KLHL26: variants seen among roughly 807,000 people sequenced by gnomAD.
KLHL26 encodes kelch-like protein 26.
In KLHL26, 4 loss-of-function variants were observed where a neutral mutation model predicts 7.1. That is an observed-to-expected ratio of 0.56 (90% CI 0.28 to 1.28). The LOEUF (loss-of-function observed/expected upper bound fraction) is 1.28, where lower values mean the gene tolerates loss of function less well. Ranked by LOEUF, KLHL26 falls within the 50% of genes most tolerant of loss-of-function variation. The pLI is 0.11. For synonymous variants in KLHL26, 465 were observed against 414.1 expected (o/e 1.12, Z -1.49); for missense variants, 896 against 924.6 (o/e 0.97, Z 0.40).
chr19:18,642,720 C>T (rs749337432), intron 1 of KLHL26, among the ~76,000 whole-genome samples: 18 of 151,884 alleles, frequency 1.2e-4, no homozygotes, highest in Non-Finnish European at 2.4e-4. Context: ...ACTCTGTCGC[C>T]CATGCTGGCA....
In KLHL26 at chr19:18,637,154, A is replaced by C; in HGVS notation, c.83+17A>C. On this transcript the variant is annotated intron_variant, in intron 1 of 2. Transcript: ENST00000300976. ...CCCGAACAGGTGAGACCCGGCCCGC[A>C]GGATAGACCTGCACCTGTCTTGGAG... 1 of 1,318,860 alleles carries C rather than the reference A, an allele frequency of 7.6e-7. No homozygotes were observed. The highest frequency in any genetic ancestry group is 9.7e-7 in the Non-Finnish European group (1 of 1,034,862). The allele number at this position is 1,318,860 out of a possible 1,614,324, so 81.7% of individuals were successfully genotyped here.
At position 18,648,528 on chromosome 19, in the gene KLHL26, T is replaced by C. The variant is rs1235732181; in HGVS notation, c.83+11391T>C. Among the ~76,000 whole-genome samples, 1 of 152,188 alleles carries C rather than the reference T, an allele frequency of 6.6e-6. No homozygotes were observed. The highest frequency in any genetic ancestry group is 1.5e-5 in the Non-Finnish European group (1 of 68,024). On this transcript the variant is annotated intron_variant, in intron 1 of 2. Coordinates refer to ENST00000300976, the MANE Select transcript of KLHL26 (RefSeq NM_018316.3). The surrounding 1 kb of genome is among the most constrained non-coding windows in gnomAD (Gnocchi z 4.9). ...GGCAGGCTGAAGGTCAGGGTTGTCC[T>C]TGGTCCCGCGCGGCTGCACTGCCTG...
chr19:18,667,323 CTG>C (rs1442201001), intron 2 of KLHL26: 1 of 380,324 alleles, frequency 2.6e-6, no homozygotes, highest in Admixed American at 3.9e-5. Flanking sequence ...GCGTGAGCCA[CTG>C]TGCCTGGCCT....
chr19:18,642,623 C>T (rs1568454177), intron 1 of KLHL26, among the ~76,000 whole-genome samples: 1 of 152,018 alleles, frequency 6.6e-6, no homozygotes, highest in Non-Finnish European at 1.5e-5. Context: ...CTGGGCCTCC[C>T]AAAGTGCTGG....
chr19:18,669,091 G>T lies in KLHL26; in HGVS notation c.1694G>T (p.Gly565Val). 6.2e-7 allele frequency: 1 copy of T among 1,612,926 alleles called. No homozygotes were observed. Among genetic ancestry groups the T allele is most frequent in the Non-Finnish European group, 8.5e-7 (1 of 1,179,966 alleles). ...CTGGAGAGGAAGATCTACATCGTCG[G>T]GGGCTACAACTGGCGTCTCAACAAC... ...CLLERKIYIVGGYNWRLNNVT... is the reference protein window; with the variant it reads ...CLLERKIYIVVGYNWRLNNVT... The change falls in exon 3 of 3, where the codon GGG (glycine) becomes GTG (valine). Residue 565 changes from glycine to valine, a missense_variant. By Grantham distance (109) the Gly-to-Val change is moderately radical (BLOSUM62 -3). Transcript: ENST00000300976.
rs1191637476 is a variant in KLHL26 at position 18,650,116 on chromosome 19, C to G, written c.83+12979C>G. ...TGTAAAGGCCTGGAGGGGGGTCACC[C>G]GAGGATCGAGGCCGAAGATGTTTAC... is the stretch of plus-strand genomic sequence containing the variant. On this transcript the variant is annotated intron_variant, in intron 1 of 2. Coordinates refer to ENST00000300976, the MANE Select transcript of KLHL26 (RefSeq NM_018316.3). This position sits in a 1 kb window ranked among gnomAD's most constrained non-coding sequence, Gnocchi z 4.2. 2.0e-5 allele frequency among the ~76,000 whole-genome samples: 3 copies of G among 152,042 alleles called. No homozygotes were observed. Among genetic ancestry groups the G allele is most frequent in the Non-Finnish European group, 2.9e-5 (2 of 68,002 alleles).
rs778679334 is a variant in KLHL26 at position 18,664,327 on chromosome 19, G to C, written c.150G>C (p.Leu50=). The stretch of plus-strand genomic sequence containing the variant: ...CACCCAGCCACAGCACCAGCCTCCT[G>C]CAGGGCCTGGCCACCCTCCGCGCTC... ...FSAPSHSTSL[L]QGLATLRAQG... The change falls in exon 2 of 3, where the codon CTG becomes CTC. Residue 50 remains leucine, a synonymous_variant. Transcript: ENST00000300976. 2 of 1,609,526 alleles carry C rather than the reference G, an allele frequency of 1.2e-6. No individual in the cohort carries two copies. The highest frequency in any genetic ancestry group is 2.7e-5 in the African/African-American group (2 of 75,050).
At chr19:18,667,579 T>TACTGTTCCCCAGGCC (rs2052462227) in intron 2 of KLHL26, 85 bp from the exon 3 acceptor site, 2 of 1,532,686 alleles carry the variant, frequency 1.3e-6, no homozygotes, top group Non-Finnish European at 1.8e-6. Context: ...GTCCCCAGGC[T>TACTGTTCCCCAGGCC]ACTGTTCCCC....
rs1301794630 is a variant in KLHL26 at position 18,668,214 on chromosome 19, G to C, written c.817G>C (p.Glu273Gln). The stretch of plus-strand genomic sequence containing the variant: ...CGTGCAGACGCTGGACATCATGGTG[G>C]AGGACGTGCTGTGCCGCCAGTATCT... ...DSVQTLDIMV[E>Q]DVLCRQYLLE... Residue 273 changes from glutamate to glutamine, a missense_variant, in exon 3 of 3, where the codon GAG becomes CAG. By Grantham distance (29) the Glu-to-Gln change is conservative (BLOSUM62 2). Transcript: ENST00000300976. The C allele has an allele frequency of 1.2e-6, 2 of 1,611,898 alleles. No homozygotes were observed. Among genetic ancestry groups the C allele is most frequent in the Admixed American group, 1.7e-5 (1 of 60,028 alleles).
chr19:18,642,383 T>TGTGTGTGTGTGTGTG (rs1320607738), intron 1 of KLHL26, among the ~76,000 whole-genome samples: 2 of 61,572 alleles, frequency 3.2e-5, no homozygotes, highest in Non-Finnish European at 6.6e-5. Flanking sequence ...GTGTGTGTGT[T>TGTGTGTGTGTGTGTG]TGAGATGGAG....
Position 18,669,516 on chromosome 19 carries a change from C to G in KLHL26, c.*271C>G, listed in dbSNP as rs1279524009. On this transcript the variant is annotated 3_prime_UTR_variant, in exon 3 of 3. Transcript: ENST00000300976. ...TCCCCGGGGTGGTTTCCTCGCCTGG[C>G]CCCCGAGTCCCCACGGGCTGGCGGG... 4 of 565,016 alleles carry G rather than the reference C, an allele frequency of 7.1e-6. No homozygotes were observed. Among genetic ancestry groups the G allele is most frequent in the Non-Finnish European group, 1.2e-5 (4 of 320,714 alleles). 35.0% of individuals were successfully genotyped at this position (565,016 alleles called of 1,614,324 possible).
intron 1 of KLHL26, among the ~76,000 whole-genome samples, chr19:18,641,632 C>CTT (rs11365552): frequency 7.7e-6 from 1 of 129,956 alleles, no homozygotes; most frequent in Non-Finnish European, 1.6e-5. Flanking sequence ...TTTCTTTTTT[C>CTT]TTTTTTTTTT....
chr19:18,648,788 C>T lies in KLHL26; in HGVS notation c.83+11651C>T, dbSNP rs1976849309. On this transcript the variant is annotated intron_variant, in intron 1 of 2. Coordinates refer to ENST00000300976, the MANE Select transcript of KLHL26 (RefSeq NM_018316.3). This position sits in a 1 kb window ranked among gnomAD's most constrained non-coding sequence, Gnocchi z 4.9. ...TGCCCAGGAGGTCCTCAGGTAGCAT[C>T]TCTTGTGGGTTCCACCTTCGAGCCA... Among the ~76,000 whole-genome samples, 1 of 152,166 alleles carries T rather than the reference C, an allele frequency of 6.6e-6. No individual in the cohort carries two copies. The highest frequency in any genetic ancestry group is 2.1e-4 in the South Asian group (1 of 4,828).
intron 1 of KLHL26, among the ~76,000 whole-genome samples, chr19:18,660,516 C>G (rs1332991026): frequency 6.6e-6 from 1 of 152,220 alleles, no homozygotes; most frequent in Non-Finnish European, 1.5e-5. Context: ...GCCTGTGGCC[C>G]CGCCGTGCCG....
chr19:18,645,939 G>A (rs1236388744), intron 1 of KLHL26, among the ~76,000 whole-genome samples: 1 of 152,068 alleles, frequency 6.6e-6, no homozygotes, highest in Admixed American at 6.6e-5. Context: ...AGTCAGTCTG[G>A]CTGGGTGGCC....
chr19:18,660,506 G>T (rs1274288725), intron 1 of KLHL26, among the ~76,000 whole-genome samples: 1 of 152,206 alleles, frequency 6.6e-6, no homozygotes, highest in African/African-American at 2.4e-5. Flanking sequence ...CTTCCTGGGG[G>T]CCTGTGGCCC....
In KLHL26 at chr19:18,654,827, C is replaced by T. The variant is rs538594762; in HGVS notation, c.84-9434C>T. ...CATTCATCTGTCTATCTACCGTTTG[C>T]CCATCCACCCACTCATTTACCCATC... On this transcript the variant is annotated intron_variant, in intron 1 of 2. Coordinates refer to ENST00000300976, the MANE Select transcript of KLHL26 (RefSeq NM_018316.3). 5.9e-4 allele frequency among the ~76,000 whole-genome samples: 90 copies of T among 152,148 alleles called. No individual in the cohort carries two copies. The Middle Eastern group carries it at 0.014, about 23-fold the overall frequency.
chr19:18,642,367 GTGTGTGTGTGTGTGTT>G (rs966989910), intron 1 of KLHL26, among the ~76,000 whole-genome samples: 4 of 151,508 alleles, frequency 2.6e-5, no homozygotes, highest in African/African-American at 9.7e-5. Context: ...GTGTGTGTGT[GTGTGTGTGTGTGTGTT>G]TGAGATGGAG....
Position 18,646,973 on chromosome 19 carries a change from G to T in KLHL26, c.83+9836G>T, listed in dbSNP as rs1331226740. The stretch of plus-strand genomic sequence containing the variant: ...CGGCAGGGCGGGGGCAGGGGCGGCG[G>T]GGGGTGGCGCGTCTCAGCAGGGATG... On this transcript the variant is annotated intron_variant, in intron 1 of 2. Coordinates refer to ENST00000300976, the MANE Select transcript of KLHL26 (RefSeq NM_018316.3). This position sits in a 1 kb window ranked among gnomAD's most constrained non-coding sequence, Gnocchi z 5.0. 1.3e-5 allele frequency among the ~76,000 whole-genome samples: 2 copies of T among 152,030 alleles called. No individual in the cohort carries two copies. The highest frequency in any genetic ancestry group is 4.8e-5 in the African/African-American group (2 of 41,410).
Sources: gnomAD v4.1 joint callset for allele counts (sites outside exome capture counted in the v4.1 genomes callset) on GRCh38, gnomAD v4.1.1 for gene constraint, Gnocchi (gnomAD v3.1) non-coding constraint, MANE v1.5 for transcripts, NCBI Gene and HGNC (gene_info 2026-07-23, HGNC 2026-07-21) for gene names.